NTN4: variants seen among roughly 807,000 people sequenced by gnomAD.
NTN4 encodes the protein netrin 4.
NTN4 carries 32 observed loss-of-function variants against 73.6 expected under a neutral mutation model. That is an observed-to-expected ratio of 0.44 (90% CI 0.33 to 0.58). The LOEUF is 0.58. NTN4 is among the 20% of genes least tolerant of loss of function. The pLI is 0.04. For synonymous variants in NTN4, 258 were observed against 287.5 expected (o/e 0.90, Z 1.04); for missense variants, 654 against 798.3 (o/e 0.82, Z 2.18).
rs1368015058 is a variant in NTN4 at position 95,790,392 on chromosome 12, G to A, written c.-83C>T. ...CTGGGCTGCGGGATGAAGCGCCGCC[G>A]TCCTCGGGAGGGAACGGGGCCCTGG... On this transcript the variant is annotated 5_prime_UTR_variant, in exon 1 of 10. In the 5' UTR this introduces an upstream ATG that the reference lacks. Transcript: ENST00000343702. The surrounding 1 kb of genome is among the most constrained non-coding windows in gnomAD (Gnocchi z 6.5). 1.2e-5 allele frequency: 15 copies of A among 1,205,292 alleles called. No individual in the cohort carries two copies. The highest frequency in any genetic ancestry group is 1.6e-5 in the African/African-American group (1 of 62,894). 74.7% of individuals were successfully genotyped at this position (1,205,292 alleles called of 1,614,324 possible). A position where few individuals can be genotyped will look rare whatever the true frequency, so the allele number is the denominator to read the frequency against.
chr12:95,786,370 G>A (rs60951101), intron 2 of NTN4, among the ~76,000 whole-genome samples: 1,848 of 152,274 alleles, frequency 0.012, 43 homozygotes, highest in African/African-American at 0.043. Flanking sequence ...TAGCTAATGA[G>A]GCTGTTTTGC....
intron 3 of NTN4, among the ~76,000 whole-genome samples, chr12:95,735,961 CAG>C (rs2078774886): frequency 7.0e-6 from 1 of 142,926 alleles, no homozygotes; most frequent in African/African-American, 2.7e-5. Flanking sequence ...TTTTTTGAGA[CAG>C]AGTCTTGCTT....
chr12:95,667,863 A>AAAATAAAT (rs71087991), intron 8 of NTN4, among the ~76,000 whole-genome samples: 15,845 of 148,198 alleles, frequency 0.11, 949 homozygotes, highest in East Asian at 0.23. Flanking sequence ...CCATCTCTCA[A>AAAATAAAT]AAATAAATAA....
chr12:95,720,656 G>A (rs751219269), intron 3 of NTN4, among the ~76,000 whole-genome samples: 2 of 152,108 alleles, frequency 1.3e-5, no homozygotes, highest in South Asian at 2.1e-4. Context: ...AAGTGGGAAC[G>A]AGATAATTTC....
intron 2 of NTN4, among the ~76,000 whole-genome samples, chr12:95,748,476 C>CTTTTTT (rs762351453): frequency 7.6e-5 from 8 of 105,922 alleles, no homozygotes; most frequent in Admixed American, 1.9e-4. Flanking sequence ...ATTTTCTTTT[C>CTTTTTT]TTTTTTTTTT....
At chr12:95,712,327 A>C (rs2078570396) in intron 4 of NTN4, among the ~76,000 whole-genome samples, 2 of 152,180 alleles carry the variant, frequency 1.3e-5, no homozygotes, top group Non-Finnish European at 1.5e-5. Flanking sequence ...CAAGCATCAT[A>C]AAGTGAAAAA....
intron 2 of NTN4, 50 bp from the exon 3 acceptor site, chr12:95,738,194 C>A (rs369472355): frequency 6.6e-7 from 1 of 1,507,746 alleles, no homozygotes; most frequent in Non-Finnish European, 9.0e-7. Context: ...TGCGCAAACC[C>A]TGAATTGTTT....
chr12:95,790,476 G>A lies in NTN4; in HGVS notation c.-167C>T, dbSNP rs1482738584. The A allele has an allele frequency of 3.6e-6, 2 of 550,662 alleles. No homozygotes were observed. Among genetic ancestry groups the A allele is most frequent in the Admixed American group, 4.3e-5 (1 of 23,358 alleles). The allele number at this position is 550,662 out of a possible 1,614,324, so 34.1% of individuals were successfully genotyped here. The stretch of plus-strand genomic sequence containing the variant: ...AGCGGTCGCCGGCAGCTGGGAGCCA[G>A]GGGCCGGGACCGCGCGGGGAGGTGG... On this transcript the variant is annotated 5_prime_UTR_variant, in exon 1 of 10. Transcript: ENST00000343702. The surrounding 1 kb of genome is among the most constrained non-coding windows in gnomAD (Gnocchi z 6.5).
At chr12:95,771,234 C>G (rs1346100736) in intron 2 of NTN4, among the ~76,000 whole-genome samples, 1 of 152,040 alleles carries the variant, frequency 6.6e-6, no homozygotes, top group African/African-American at 2.4e-5. Flanking sequence ...CGAGATCTGC[C>G]CGCCTCGGCT....
chr12:95,700,080 A>ATTGTTTTTTTTTTTTTTTT (rs2078471825), intron 5 of NTN4, among the ~76,000 whole-genome samples: 1 of 41,788 alleles, frequency 2.4e-5, no homozygotes. Context: ...TAAAGTGAGG[A>ATTGTTTTTTTTTTTTTTTT]TTTTTTTTTT....
At position 95,749,333 on chromosome 12, in the gene NTN4, G is replaced by A. The variant is rs1172386473; in HGVS notation, c.586-11189C>T. Among the ~76,000 whole-genome samples, 11 of 152,100 alleles carry A rather than the reference G, an allele frequency of 7.2e-5. No homozygotes were observed. In the South Asian group the frequency reaches 8.3e-4, roughly 11 times the overall value. ...GGGACCTCCCTTGGGAGATCAATCC[G>A]CTGTACTCCTGTTCTTTGCTCCGTG... On this transcript the variant is annotated intron_variant, in intron 2 of 9. Transcript: ENST00000343702.
chr12:95,753,565 C>G (rs2078926008), intron 2 of NTN4, among the ~76,000 whole-genome samples: 1 of 148,914 alleles, frequency 6.7e-6, no homozygotes, highest in Non-Finnish European at 1.5e-5. Flanking sequence ...AGTCTGATAA[C>G]AGACCAGCCT....
rs80111220 is a variant in NTN4 at position 95,724,159 on chromosome 12, C to T, written c.865-10821G>A. ...TAGCTTCCTCTTTTCAGTATCATCA[C>T]GCACTTTATCTTCCCTCTGGGGACT... On this transcript the variant is annotated intron_variant, in intron 3 of 9. Coordinates refer to ENST00000343702, the MANE Select transcript of NTN4 (RefSeq NM_021229.4). 2.1e-3 allele frequency among the ~76,000 whole-genome samples: 324 copies of T among 152,264 alleles called. 1 individual carries two copies. The highest frequency in any genetic ancestry group is 7.2e-3 in the African/African-American group (300 of 41,554).
chr12:95,713,310 T>C lies in NTN4; in HGVS notation c.893A>G (p.Asn298Ser). Residue 298 changes from asparagine to serine, a missense_variant, in exon 4 of 10, where the codon AAC becomes AGC. By Grantham distance (46) the Asn-to-Ser change is conservative. Coordinates refer to ENST00000343702, the MANE Select transcript of NTN4 (RefSeq NM_021229.4). ...GTGCTGGCAGTGGCTGCCTGCTGTGTTGTGCTTACACATACACTTCCCATG... is the reference window on the plus strand; with the variant it reads ...GTGCTGGCAGTGGCTGCCTGCTGTGCTGTGCTTACACATACACTTCCCATG... ...MVHGKCMCKH[N>S]TAGSHCQHCA... 6.2e-7 allele frequency: 1 copy of C among 1,610,050 alleles called. No homozygotes were observed. Among genetic ancestry groups the C allele is most frequent in the Non-Finnish European group, 8.5e-7 (1 of 1,176,854 alleles).
In NTN4 at chr12:95,732,232, TTCTTTC is replaced by T. The variant is rs199839873; in HGVS notation, c.864+5628_864+5633del. Among the ~76,000 whole-genome samples, 276 of 137,722 alleles carry T rather than the reference TTCTTTC, an allele frequency of 2.0e-3. 2 individuals carry two copies. The highest frequency in any genetic ancestry group is 6.5e-3 in the African/African-American group (265 of 40,476). The allele number at this position is 137,722 out of a possible 152,430, so 90.4% of individuals were successfully genotyped here. A position where few individuals can be genotyped will look rare whatever the true frequency, so the allele number is the denominator to read the frequency against. On this transcript the variant is annotated intron_variant, in intron 3 of 9. Transcript: ENST00000343702. ...CTTTTCTCTCCCTTTCTCTCTTTCT[TTCTTTC>T]TCTGTCTTTCTTTCTTTCTCTCCTT...
At chr12:95,784,656 A>G (rs1305827825) in intron 2 of NTN4, among the ~76,000 whole-genome samples, 1 of 152,124 alleles carries the variant, frequency 6.6e-6, no homozygotes, top group Non-Finnish European at 1.5e-5. Context: ...AATCCCAGGT[A>G]CTCAGGAGGC....
chr12:95,691,645 T>G (rs922253097), intron 5 of NTN4, among the ~76,000 whole-genome samples: 7 of 152,200 alleles, frequency 4.6e-5, no homozygotes, highest in African/African-American at 1.4e-4. Flanking sequence ...TCCACCTGCC[T>G]CAGCCTCCCA....
chr12:95,771,022 C>T (rs566376930), intron 2 of NTN4, among the ~76,000 whole-genome samples: 1,943 of 102,772 alleles, frequency 0.019, 64 homozygotes, highest in African/African-American at 0.073. Flanking sequence ...CAGAGTCTCG[C>T]TCTGTCGCCC....
intron 2 of NTN4, among the ~76,000 whole-genome samples, chr12:95,771,523 ATGCTCTCCATCAAAT>A (rs2079059228): frequency 1.3e-5 from 2 of 152,216 alleles, no homozygotes; most frequent in South Asian, 4.1e-4. Flanking sequence ...GTCAAAGTAG[ATGCTCTCCATCAAAT>A]TTTGTAAATC....
Sources: gnomAD v4.1 joint callset for allele counts (sites outside exome capture counted in the v4.1 genomes callset) on GRCh38, gnomAD v4.1.1 for gene constraint, Gnocchi (gnomAD v3.1) non-coding constraint, MANE v1.5 for transcripts, NCBI Gene and HGNC (gene_info 2026-07-23, HGNC 2026-07-21) for gene names.